The following CLVS2 variants were observed in gnomAD, a reference collection of about 807,000 sequenced individuals.
CLVS2 encodes clavesin-2.
Under a neutral mutation model 29.0 loss-of-function variants are expected in CLVS2, and 19 were observed. The ratio of observed to expected loss-of-function variants is 0.66; its 90% confidence interval spans 0.46 to 0.96. The LOEUF (loss-of-function observed/expected upper bound fraction) is 0.96, where lower values mean the gene tolerates loss of function less well. Among genes scored for constraint, CLVS2 ranks in the 40% least tolerant of loss-of-function variants. The probability of loss-of-function intolerance (pLI) is 0.00; values close to 1 mark genes in which losing one functional copy is unlikely to be tolerated. For synonymous variants in CLVS2, 161 were observed against 151.3 expected (o/e 1.06, Z -0.47); for missense variants, 294 against 404.1 (o/e 0.73, Z 2.34).
At chr6:123,011,304 A>G (rs1323447297) in intron 3 of CLVS2, 145 bp downstream of exon 3, 1 of 555,954 alleles carries the variant, frequency 1.8e-6, no homozygotes, top group Non-Finnish European at 3.0e-6. Flanking sequence ...TAAAATACTA[A>G]CTGAAGAAAG....
intron 3 of CLVS2, among the ~76,000 whole-genome samples, chr6:123,043,640 G>A (rs1055761028): frequency 6.6e-6 from 1 of 152,114 alleles, no homozygotes; most frequent in Non-Finnish European, 1.5e-5. Flanking sequence ...GATTGGTTTA[G>A]GACCCTAGAC....
chr6:123,001,126 TTC>T (rs1279204636), intron 2 of CLVS2, among the ~76,000 whole-genome samples: 4 of 152,200 alleles, frequency 2.6e-5, no homozygotes, highest in Non-Finnish European at 5.9e-5. Flanking sequence ...ATAAAAAGAA[TTC>T]TGAGTAGAGA....
At chr6:123,049,534 G>A (rs1458514075) in intron 4 of CLVS2, among the ~76,000 whole-genome samples, 12 of 152,154 alleles carry the variant, frequency 7.9e-5, no homozygotes, top group Non-Finnish European at 1.3e-4. Context: ...CACATACACA[G>A]AAGAAAAGTT....
chr6:123,008,527 A>G (rs547307633), intron 2 of CLVS2, among the ~76,000 whole-genome samples: 2 of 152,248 alleles, frequency 1.3e-5, no homozygotes, highest in East Asian at 3.9e-4. Flanking sequence ...TTTCAAATTT[A>G]AATTTTATTT....
At position 123,068,982 on chromosome 6, in the gene CLVS2, A is replaced by G. The variant is rs1772901148; in HGVS notation, c.*5221A>G. 6.6e-6 allele frequency: 1 copy of G among 151,736 alleles called. No individual in the cohort carries two copies. Among genetic ancestry groups the G allele is most frequent in the Non-Finnish European group, 1.5e-5 (1 of 67,786 alleles). The allele number at this position is 151,736 out of a possible 1,614,324, so 9.4% of individuals were successfully genotyped here. On this transcript the variant is annotated 3_prime_UTR_variant, in exon 6 of 6. Transcript: ENST00000275162. ...TGGAGATTTCTTTAAAAAATCGTCT[A>G]AAAATTAGCAATATTTTTATTTTGA...
intron 5 of CLVS2, among the ~76,000 whole-genome samples, chr6:123,059,859 A>G (rs996831410): frequency 5.3e-5 from 8 of 152,162 alleles, no homozygotes; most frequent in Non-Finnish European, 4.4e-5. Flanking sequence ...TTTCTCCCCT[A>G]CACACTTTGC....
chr6:123,041,732 A>T (rs139364402), intron 3 of CLVS2, among the ~76,000 whole-genome samples: 245 of 152,328 alleles, frequency 1.6e-3, no homozygotes, highest in African/African-American at 5.6e-3. Flanking sequence ...TAAGAGAAAT[A>T]CATGTTGACA....
intron 2 of CLVS2, among the ~76,000 whole-genome samples, chr6:123,003,819 T>C (rs1024973562): frequency 2.0e-5 from 3 of 152,200 alleles, no homozygotes; most frequent in African/African-American, 7.2e-5. Context: ...GGAAAGACAT[T>C]GCCTGCTTGG....
rs910527475 is a variant in CLVS2 at position 123,065,639 on chromosome 6, A to G, written c.*1878A>G. On this transcript the variant is annotated 3_prime_UTR_variant, in exon 6 of 6. Coordinates refer to ENST00000275162, the MANE Select transcript of CLVS2 (RefSeq NM_001010852.4). Reference sequence around the variant, plus strand: ...AGTTCTTACCTTTATAAGAATTCTAACCATTGATATTCTTACATTCTTGCC... The same window carrying G: ...AGTTCTTACCTTTATAAGAATTCTAGCCATTGATATTCTTACATTCTTGCC... 1 of 151,872 alleles carries G rather than the reference A, an allele frequency of 6.6e-6. No individual in the cohort carries two copies. The highest frequency in any genetic ancestry group is 6.6e-5 in the Admixed American group (1 of 15,200). 9.4% of individuals were successfully genotyped at this position (151,872 alleles called of 1,614,324 possible).
At chr6:123,031,447 G>A (rs189073756) in intron 3 of CLVS2, among the ~76,000 whole-genome samples, 244 of 152,224 alleles carry the variant, frequency 1.6e-3, no homozygotes, top group African/African-American at 5.5e-3. Context: ...TGTACAGCAT[G>A]GGGACTATAC....
intron 5 of CLVS2, among the ~76,000 whole-genome samples, chr6:123,062,545 C>T (rs534202011): frequency 6.6e-6 from 1 of 152,112 alleles, no homozygotes; most frequent in South Asian, 2.1e-4. Context: ...GTAAATGACA[C>T]TTAGGAAACA....
At position 123,072,707 on chromosome 6, in the gene CLVS2, A is replaced by G. The variant is rs1030856551; in HGVS notation, c.*8946A>G. The G allele has an allele frequency of 5.9e-5, 9 of 152,226 alleles. No homozygotes were observed. Among genetic ancestry groups the G allele is most frequent in the African/African-American group, 2.2e-4 (9 of 41,554 alleles). 9.4% of individuals were successfully genotyped at this position (152,226 alleles called of 1,614,324 possible). On this transcript the variant is annotated 3_prime_UTR_variant, in exon 6 of 6. Coordinates refer to ENST00000275162, the MANE Select transcript of CLVS2 (RefSeq NM_001010852.4). ...TTGAATTTTCTTTTCATAATTTTTT[A>G]TGATTGAATTCTAAGGGTATGTTCC...
At chr6:123,039,024 C>A (rs1027231713) in intron 3 of CLVS2, among the ~76,000 whole-genome samples, 2 of 152,122 alleles carry the variant, frequency 1.3e-5, no homozygotes, top group Non-Finnish European at 2.9e-5. Context: ...TCTTGCCAAA[C>A]CCTCGCAGCA....
rs1361158725 is a variant in CLVS2 at position 123,066,107 on chromosome 6, T to C, written c.*2346T>C. ...TGCCTTTTGAAATTACCATATCTAG[T>C]TCATTCTGTGAATAAACTCATTTTC... On this transcript the variant is annotated 3_prime_UTR_variant, in exon 6 of 6. Coordinates refer to ENST00000275162, the MANE Select transcript of CLVS2 (RefSeq NM_001010852.4). 6.6e-6 allele frequency: 1 copy of C among 151,688 alleles called. No homozygotes were observed. Among genetic ancestry groups the C allele is most frequent in the African/African-American group, 2.4e-5 (1 of 41,410 alleles). The allele number at this position is 151,688 out of a possible 1,614,324, so 9.4% of individuals were successfully genotyped here. A position where few individuals can be genotyped will look rare whatever the true frequency, so the allele number is the denominator to read the frequency against.
chr6:123,032,208 G>A (rs187161496), intron 3 of CLVS2, among the ~76,000 whole-genome samples: 103 of 151,988 alleles, frequency 6.8e-4, no homozygotes, highest in African/African-American at 2.4e-3. Context: ...TTCCCGGTAG[G>A]CTTTTATCTC....
At chr6:123,046,012 G>A (rs2114351514) in intron 3 of CLVS2, among the ~76,000 whole-genome samples, 1 of 152,334 alleles carries the variant, frequency 6.6e-6, no homozygotes, top group African/African-American at 2.4e-5. Flanking sequence ...GACTACAAAA[G>A]TGAAGGGGAG....
chr6:122,998,676 T>C (rs1353121895), intron 2 of CLVS2, among the ~76,000 whole-genome samples: 1 of 152,180 alleles, frequency 6.6e-6, no homozygotes, highest in East Asian at 1.9e-4. Context: ...GCTTGGGAAG[T>C]TCTCTGTTTG....
At position 123,072,341 on chromosome 6, in the gene CLVS2, A is replaced by G. The variant is rs1306697955; in HGVS notation, c.*8580A>G. Reference sequence around the variant, plus strand: ...TTAACCAGTCTTTTAGTGGCTTTGTAATGGGTAGGGGTTTTATTCCTCTTT... The same window carrying G: ...TTAACCAGTCTTTTAGTGGCTTTGTGATGGGTAGGGGTTTTATTCCTCTTT... On this transcript the variant is annotated 3_prime_UTR_variant, in exon 6 of 6. Coordinates refer to ENST00000275162, the MANE Select transcript of CLVS2 (RefSeq NM_001010852.4). 1.3e-5 allele frequency: 2 copies of G among 152,040 alleles called. No homozygotes were observed. The highest frequency in any genetic ancestry group is 2.1e-4 in the South Asian group (1 of 4,826). The allele number at this position is 152,040 out of a possible 1,614,324, so 9.4% of individuals were successfully genotyped here. A position where few individuals can be genotyped will look rare whatever the true frequency, so the allele number is the denominator to read the frequency against.
At chr6:123,005,563 G>A (rs2114301070) in intron 2 of CLVS2, among the ~76,000 whole-genome samples, 1 of 152,312 alleles carries the variant, frequency 6.6e-6, no homozygotes, top group East Asian at 1.9e-4. Flanking sequence ...AAAGTAGAGG[G>A]ATATGACCTA....
Sources: allele counts gnomAD v4.1 joint callset (sites outside exome capture counted in the v4.1 genomes callset), GRCh38; gene constraint gnomAD v4.1.1; transcripts MANE v1.5; gene names NCBI Gene and HGNC (gene_info 2026-07-23, HGNC 2026-07-21).